Variants in YEATS2 observed in about 807,000 individuals in gnomAD.
The protein encoded by YEATS2 is YEATS domain containing 2.
YEATS2 carries 77 observed loss-of-function variants against 163.2 expected under a neutral mutation model. That is an observed-to-expected ratio of 0.47 (90% CI 0.39 to 0.57). The LOEUF (loss-of-function observed/expected upper bound fraction) is 0.57, where lower values mean the gene tolerates loss of function less well. Ranked by LOEUF, YEATS2 falls within the 20% of genes least tolerant of loss-of-function variation. The pLI is 0.00. For missense variants in YEATS2, 1,549 were observed against 1,729.8 expected (o/e 0.90, Z 1.85); for synonymous variants, 631 against 645.1 (o/e 0.98, Z 0.33).
At chr3:183,754,659 A>G (rs1238738907) in intron 11 of YEATS2, among the ~76,000 whole-genome samples, 1 of 152,232 alleles carries the variant, frequency 6.6e-6, no homozygotes, top group Non-Finnish European at 1.5e-5. Flanking sequence ...ACTAAGGTGT[A>G]GGAATCGTGT....
chr3:183,778,678 C>G (rs1723257638), intron 19 of YEATS2, among the ~76,000 whole-genome samples: 1 of 152,092 alleles, frequency 6.6e-6, no homozygotes, highest in African/African-American at 2.4e-5. Flanking sequence ...GCAAGTGATA[C>G]TGGTCAGTAG....
chr3:183,698,244 G>C (rs1713687698), intron 1 of YEATS2, among the ~76,000 whole-genome samples: 1 of 152,196 alleles, frequency 6.6e-6, no homozygotes, highest in Non-Finnish European at 1.5e-5. Flanking sequence ...GCGGGGCGCT[G>C]CGCTGAGGGG....
intron 12 of YEATS2, 56 bp downstream of exon 12, chr3:183,756,745 G>C: frequency 7.6e-7 from 1 of 1,308,490 alleles, no homozygotes; most frequent in Non-Finnish European, 9.9e-7. Flanking sequence ...TATTAAAAAT[G>C]TAATCCTGCC....
chr3:183,718,361 T>G, intron 3 of YEATS2, 139 bp from the exon 4 acceptor site: 2 of 634,068 alleles, frequency 3.2e-6, no homozygotes, highest in Non-Finnish European at 5.2e-6. Flanking sequence ...AAAGGTCACT[T>G]TTATTTGTTT....
rs768031640 is a variant in YEATS2, at chr3:183,786,289, T to G, written c.2901T>G (p.Gly967=). ...TSPAVALSAN[G]PAQQSEGMAP... ...CTGCCGTGGCCCTCTCAGCAAACGG[T>G]CCTGCACAACAGGTGAGAAATAGCA... Residue 967 remains glycine (G), a synonymous_variant, in exon 20 of 31, where the codon GGT becomes GGG. Transcript: ENST00000305135. 1 of 1,610,900 alleles carries G rather than the reference T, an allele frequency of 6.2e-7. No homozygotes were observed. The highest frequency in any genetic ancestry group is 1.1e-5 in the South Asian group (1 of 90,954).
At chr3:183,806,737 T>G (rs534414777) in intron 27 of YEATS2, 129 bp from the exon 28 acceptor site, 11 of 856,478 alleles carry the variant, frequency 1.3e-5, no homozygotes, top group Admixed American at 5.3e-5. Flanking sequence ...CCATAGAATG[T>G]TAGAACTGGA....
chr3:183,738,306 T>C (rs189133980), intron 8 of YEATS2, among the ~76,000 whole-genome samples: 1 of 151,572 alleles, frequency 6.6e-6, no homozygotes, highest in East Asian at 1.9e-4. Flanking sequence ...TTAAGCTTAG[T>C]GAAAAAAGCA....
intron 15 of YEATS2, among the ~76,000 whole-genome samples, 195 bp downstream of exon 15, chr3:183,762,474 C>T (rs1042847067): frequency 3.9e-5 from 6 of 152,160 alleles, no homozygotes; most frequent in Admixed American, 2.6e-4. Flanking sequence ...GCAAGAGCCG[C>T]GTTATGTATT....
Position 183,758,919 on chromosome 3 carries a change from C to T in YEATS2, c.1610C>T (p.Pro537Leu), listed in dbSNP as rs559834243. The change falls in exon 13 of 31, where the codon CCT becomes CTT. Residue 537 changes from proline to leucine, a missense_variant. Transcript: ENST00000305135. The part of the protein sequence containing the change: ...ASQVSQGTGS[P>L]VPKIHGSSFV... ...CAGGTCTCCCAAGGAACAGGTTCCC[C>T]TGTTCCTAAAATTCATGGAAGTAGT... 6.3e-7 allele frequency: 1 copy of T among 1,594,880 alleles called. No individual in the cohort carries two copies. Among genetic ancestry groups the T allele is most frequent in the African/African-American group, 1.4e-5 (1 of 73,818 alleles).
rs201911757 is a variant in YEATS2 at position 183,756,593 on chromosome 3, G to A, written c.1456G>A (p.Val486Met). ...PRTPTSTPVH[V>M]KQGTAGSVIN... ...AACCCCGACTTCCACTCCAGTCCAC[G>A]TGAAGCAAGGCACTGCCGGCTCTGT... The change falls in exon 12 of 31, where the codon GTG becomes ATG. Residue 486 changes from valine to methionine, a missense_variant. Val to Met is a conservative substitution (Grantham distance 21). Coordinates refer to ENST00000305135, the MANE Select transcript of YEATS2 (RefSeq NM_018023.5). 1.8e-5 allele frequency: 29 copies of A among 1,607,214 alleles called. 1 individual carries two copies. The Admixed American group carries it at 2.9e-4, about 16-fold the overall frequency.
intron 23 of YEATS2, among the ~76,000 whole-genome samples, 185 bp downstream of exon 23, chr3:183,799,174 A>G (rs1725436079): frequency 6.6e-6 from 1 of 152,234 alleles, no homozygotes; most frequent in Admixed American, 6.5e-5. Flanking sequence ...GGTAGACTTA[A>G]CATTGAGGGA....
intron 1 of YEATS2, among the ~76,000 whole-genome samples, chr3:183,702,574 C>T (rs139835982): frequency 1.0e-3 from 159 of 151,470 alleles, no homozygotes; most frequent in African/African-American, 3.6e-3. Context: ...CTGTAGCTCA[C>T]GCCTATAATC....
At chr3:183,742,800 A>G (rs1375525281) in intron 8 of YEATS2, among the ~76,000 whole-genome samples, 2 of 152,234 alleles carry the variant, frequency 1.3e-5, no homozygotes, top group South Asian at 4.1e-4. Flanking sequence ...AATCTTTCAT[A>G]AAAGGAAGTC....
At chr3:183,803,866 T>A (rs1487874313) in intron 26 of YEATS2, 121 bp from the exon 27 acceptor site, 2 of 1,088,574 alleles carry the variant, frequency 1.8e-6, no homozygotes, top group Non-Finnish European at 2.6e-6. Flanking sequence ...CCAGGTTTTT[T>A]TCTTTAAAAA....
chr3:183,764,732 G>A (rs920783628), intron 15 of YEATS2, among the ~76,000 whole-genome samples: 42 of 151,762 alleles, frequency 2.8e-4, no homozygotes, highest in African/African-American at 9.7e-4. Flanking sequence ...GCTTGACCCC[G>A]GCAGGCAGAG....
chr3:183,761,103 T>A (rs1291941494), intron 13 of YEATS2, among the ~76,000 whole-genome samples: 1 of 152,174 alleles, frequency 6.6e-6, no homozygotes, highest in African/African-American at 2.4e-5. Flanking sequence ...CTTTCTTTTT[T>A]TTTTACGGAG....
At chr3:183,725,687 G>A (rs936203245) in intron 6 of YEATS2, among the ~76,000 whole-genome samples, 3 of 152,190 alleles carry the variant, frequency 2.0e-5, no homozygotes, top group Non-Finnish European at 4.4e-5. Flanking sequence ...CTCCCACTGC[G>A]TCCCTTCCAG....
chr3:183,766,635 GAA>G (rs1219161248), intron 15 of YEATS2, among the ~76,000 whole-genome samples: 1 of 152,210 alleles, frequency 6.6e-6, no homozygotes. Flanking sequence ...AGAGAATGAG[GAA>G]AGTCAGTAGG....
At chr3:183,785,523 G>T (rs1469186083) in intron 19 of YEATS2, among the ~76,000 whole-genome samples, 1 of 151,362 alleles carries the variant, frequency 6.6e-6, no homozygotes, top group Admixed American at 6.6e-5. Flanking sequence ...ACCAGATGTG[G>T]CACATGCCTG....
Sources: allele counts gnomAD v4.1 joint callset (sites outside exome capture counted in the v4.1 genomes callset), GRCh38; gene constraint gnomAD v4.1.1; transcripts MANE v1.5; gene names NCBI Gene and HGNC (gene_info 2026-07-23, HGNC 2026-07-21).